DOP1B: variants seen among roughly 807,000 people sequenced by gnomAD.
The protein encoded by DOP1B is protein DOP1B.
Under a neutral mutation model 233.5 loss-of-function variants are expected in DOP1B, and 174 were observed. The ratio of observed to expected loss-of-function variants is 0.75; its 90% CI spans 0.66 to 0.85. The LOEUF is 0.85. Among genes scored for constraint, DOP1B ranks in the 40% least tolerant of loss-of-function variants. The probability of loss-of-function intolerance (pLI) is 0.00; values close to 1 mark genes in which losing one functional copy is unlikely to be tolerated. For synonymous variants in DOP1B, 1,190 were observed against 1,185.6 expected (o/e 1.00, Z -0.08); for missense variants, 2,652 against 2,846.6 (o/e 0.93, Z 1.56).
In DOP1B at chr21:36,270,378, C is replaced by A. The variant is rs566648714; in HGVS notation, c.5632+221C>A. 8.9e-4 allele frequency among the ~76,000 whole-genome samples: 133 copies of A among 150,104 alleles called. 3 individuals carry two copies. Among genetic ancestry groups the A allele is most frequent in the African/African-American group, 3.2e-3 (129 of 40,032 alleles). ...GACTAGCCTGGCCAACATGGCGAAA[C>A]CCCGTCTCTACTAAAAGTAAAAAAA... On this transcript the variant is annotated intron_variant, in intron 27 of 36. Transcript: ENST00000691173.
At chr21:36,287,655 C>T (rs542477894) in intron 32 of DOP1B, among the ~76,000 whole-genome samples, 22 of 127,706 alleles carry the variant, frequency 1.7e-4, no homozygotes, top group East Asian at 5.0e-4. Flanking sequence ...GGTGTGATCT[C>T]GGCCCACTGC....
chr21:36,240,330 A>C (rs1256957855), intron 18 of DOP1B, among the ~76,000 whole-genome samples: 4 of 152,048 alleles, frequency 2.6e-5, no homozygotes. Flanking sequence ...AAATACAAAA[A>C]TTAGCCGGGC....
intron 22 of DOP1B, among the ~76,000 whole-genome samples, chr21:36,253,203 T>C (rs867793759): frequency 7.9e-5 from 12 of 152,338 alleles, no homozygotes; most frequent in Middle Eastern, 3.4e-3. Context: ...GAGCCTGGTT[T>C]ATCTGTTTTT....
chr21:36,249,796 G>T (rs2067012480), intron 21 of DOP1B, among the ~76,000 whole-genome samples: 1 of 152,122 alleles, frequency 6.6e-6, no homozygotes, highest in Non-Finnish European at 1.5e-5. Flanking sequence ...AGATGTGGCC[G>T]CAGGGATGAG....
chr21:36,200,355 A>G lies in DOP1B; in HGVS notation c.345A>G (p.Ala115=). The change falls in exon 4 of 37, where the codon GCA becomes GCG. Residue 115 remains alanine, a synonymous_variant. Coordinates refer to ENST00000691173, the MANE Select transcript of DOP1B (RefSeq NM_001320714.2). The part of the protein sequence containing the change: ...LYSCGLFPLL[A]HAAVSVRPVL... ...GCTGCGGGTTATTTCCTCTCCTGGC[A>G]CACGCGGCGGTGTCGGTGAGGCCGG... 2 of 1,603,498 alleles carry G rather than the reference A, an allele frequency of 1.2e-6. No individual in the cohort carries two copies. The highest frequency in any genetic ancestry group is 1.7e-6 in the Non-Finnish European group (2 of 1,176,224).
chr21:36,176,429 G>A, intron 2 of DOP1B, among the ~76,000 whole-genome samples: 1 of 152,134 alleles, frequency 6.6e-6, no homozygotes, highest in Admixed American at 6.6e-5. Flanking sequence ...TCAGCCTGCA[G>A]GGTGCCTGGT....
chr21:36,229,732 G>T (rs1159197799), intron 13 of DOP1B, among the ~76,000 whole-genome samples: 1 of 148,972 alleles, frequency 6.7e-6, no homozygotes, highest in Non-Finnish European at 1.5e-5. Context: ...CATGATTTTG[G>T]CTCACTGCAA....
At chr21:36,242,087 A>C (rs2066898307) in intron 18 of DOP1B, among the ~76,000 whole-genome samples, 1 of 151,790 alleles carries the variant, frequency 6.6e-6, no homozygotes. Flanking sequence ...TGGCAGCTAC[A>C]TTTTTTAGTA....
At chr21:36,181,752 A>T (rs958990239) in intron 2 of DOP1B, among the ~76,000 whole-genome samples, 2 of 152,162 alleles carry the variant, frequency 1.3e-5, no homozygotes, top group Non-Finnish European at 2.9e-5. Flanking sequence ...CTGGGCAGCC[A>T]TGGCCCAGCT....
At position 36,230,905 on chromosome 21, in the gene DOP1B, C is replaced by G. The variant is rs768343372; in HGVS notation, c.2121C>G (p.Phe707Leu). The stretch of plus-strand genomic sequence containing the variant: ...TGTTCACAGCACGAGGGTCTCCATT[C>G]AAGACAAAAAGTTCAGAGTCACCAT... ...SDLFTARGSP[F>L]KTKSSESPSS... Residue 707 changes from phenylalanine to leucine, a missense_variant, in exon 14 of 37, where the codon TTC becomes TTG. Phe to Leu is a conservative substitution (Grantham distance 22). This residue lies in a region of DOP1B where 2,617 missense variants were observed against 2,794.3 expected (regional missense o/e 0.94). Coordinates refer to ENST00000691173, the MANE Select transcript of DOP1B (RefSeq NM_001320714.2). 18 of 1,614,002 alleles carry G rather than the reference C, an allele frequency of 1.1e-5. No homozygotes were observed. In the East Asian group the frequency reaches 4.0e-4, roughly 36 times the overall value.
Position 36,184,666 on chromosome 21 carries a change from C to T in DOP1B, c.139-14404C>T, listed in dbSNP as rs187771905. On this transcript the variant is annotated intron_variant, in intron 2 of 36. Coordinates refer to ENST00000691173, the MANE Select transcript of DOP1B (RefSeq NM_001320714.2). The stretch of plus-strand genomic sequence containing the variant: ...CGTGGAGAGCTGTGTGCTTCGCTGC[C>T]GGCCTGAGGCTCTGCGTTCCCCTCC... Among the ~76,000 whole-genome samples, 284 of 152,358 alleles carry T rather than the reference C, an allele frequency of 1.9e-3. 1 individual carries two copies. Among genetic ancestry groups the T allele is most frequent in the African/African-American group, 6.5e-3 (271 of 41,588 alleles).
At chr21:36,226,192 T>C (rs771157349) in intron 12 of DOP1B, among the ~76,000 whole-genome samples, 1 of 152,188 alleles carries the variant, frequency 6.6e-6, no homozygotes, top group Non-Finnish European at 1.5e-5. Context: ...GATTGGAGCA[T>C]TGCTTGAGCC....
At chr21:36,228,002 T>C in intron 13 of DOP1B, 125 bp downstream of exon 13, 1 of 973,634 alleles carries the variant, frequency 1.0e-6, no homozygotes, top group Non-Finnish European at 1.4e-6. Context: ...AGGTGATATG[T>C]CAAATATGCT....
At chr21:36,163,179 A>AAAAATTT (rs1165746824) in intron 1 of DOP1B, among the ~76,000 whole-genome samples, 7 of 151,982 alleles carry the variant, frequency 4.6e-5, no homozygotes, top group Non-Finnish European at 8.8e-5. Flanking sequence ...CCCCGTCTCT[A>AAAAATTT]CTAAAAATAC....
At chr21:36,190,902 G>A (rs2123452516) in intron 2 of DOP1B, among the ~76,000 whole-genome samples, 1 of 152,328 alleles carries the variant, frequency 6.6e-6, no homozygotes, top group Middle Eastern at 3.4e-3. Flanking sequence ...TAGTGTGAGG[G>A]TGGCACACCT....
At chr21:36,165,625 A>G (rs1400506168) in intron 2 of DOP1B, among the ~76,000 whole-genome samples, 1 of 152,072 alleles carries the variant, frequency 6.6e-6, no homozygotes, top group East Asian at 1.9e-4. Context: ...GCCTCCTGTC[A>G]GATTAGTGGT....
At chr21:36,229,625 A>G (rs2066735256) in intron 13 of DOP1B, among the ~76,000 whole-genome samples, 1 of 151,456 alleles carries the variant, frequency 6.6e-6, no homozygotes, top group African/African-American at 2.4e-5. Flanking sequence ...GACACCGTTC[A>G]ACCCATAACG....
chr21:36,255,338 T>G (rs1180990606), intron 23 of DOP1B, among the ~76,000 whole-genome samples: 1 of 152,038 alleles, frequency 6.6e-6, no homozygotes, highest in Non-Finnish European at 1.5e-5. Context: ...AGACGGGATT[T>G]TGCTATGTTG....
Position 36,232,984 on chromosome 21 carries a change from A to G in DOP1B, c.2531A>G (p.Asn844Ser), listed in dbSNP as rs2066784838. The part of the protein sequence containing the change: ...KMKRYKSSGH[N>S]PFFGKLQMVT... ...AAACGCTATAAGAGCTCTGGACACAACCCTTTTTTTGGCAAGCTGCAGATG... is the reference window on the plus strand; with the variant it reads ...AAACGCTATAAGAGCTCTGGACACAGCCCTTTTTTTGGCAAGCTGCAGATG... Residue 844 changes from asparagine to serine, a missense_variant, in exon 15 of 37, where the codon AAC (asparagine) becomes AGC (serine). Asn to Ser is a conservative substitution (Grantham distance 46). Around this residue, in one of 3 missense-constraint regions of DOP1B, gnomAD observed 2,617 missense variants for 2,794.3 expected, o/e 0.94. Transcript: ENST00000691173. 2 of 1,614,046 alleles carry G rather than the reference A, an allele frequency of 1.2e-6. No homozygotes were observed. The highest frequency in any genetic ancestry group is 1.1e-5 in the South Asian group (1 of 91,080).
Sources: gnomAD v4.1 joint callset for allele counts (sites outside exome capture counted in the v4.1 genomes callset) on GRCh38, gnomAD v4.1.1 for gene constraint, gnomAD v4.1.1 regional missense constraint, MANE v1.5 for transcripts, NCBI Gene and HGNC (gene_info 2026-07-23, HGNC 2026-07-21) for gene names.